Variants in TTC12 observed in about 807,000 individuals in gnomAD.
The protein encoded by TTC12 is tetratricopeptide repeat protein 12.
Under a neutral mutation model 90.1 loss-of-function variants are expected in TTC12, and 70 were observed. The ratio of observed to expected loss-of-function variants is 0.78; its 90% CI spans 0.64 to 0.95. The LOEUF (loss-of-function observed/expected upper bound fraction) is 0.95. Among genes scored for constraint, TTC12 ranks in the 40% least tolerant of loss-of-function variants. TTC12 has a pLI of 0.00. For missense variants in TTC12, 819 were observed against 846.1 expected (o/e 0.97, Z 0.40); for synonymous variants, 296 against 311.5 (o/e 0.95, Z 0.53).
downstream of TTC12, among the ~76,000 whole-genome samples, chr11:113,366,756 A>G (rs1950231858): frequency 6.6e-6 from 1 of 152,176 alleles, no homozygotes; most frequent in African/African-American, 2.4e-5. Flanking sequence ...CATTGGCATC[A>G]TTGGTGGCCT....
At position 113,353,434 on chromosome 11, in the gene TTC12, G is replaced by A. The variant is rs567686675; in HGVS notation, c.1446+1227G>A. Among the ~76,000 whole-genome samples the A allele has an allele frequency of 1.2e-3, 188 of 152,272 alleles. 1 individual carries two copies. Among genetic ancestry groups the A allele is most frequent in the African/African-American group, 4.4e-3 (183 of 41,556 alleles). On this transcript the variant is annotated intron_variant, in intron 16 of 21. Transcript: ENST00000529221. Reference sequence around the variant, plus strand: ...CTATAGGTTGTCTGTTCACTCTGTTGATAATTTCCTTTGCTGTGCAGAAGC... The same window carrying A: ...CTATAGGTTGTCTGTTCACTCTGTTAATAATTTCCTTTGCTGTGCAGAAGC...
In TTC12 at chr11:113,339,322, A is replaced by T; in HGVS notation, c.674A>T (p.Asp225Val). Residue 225 changes from aspartate to valine, a missense_variant, in exon 10 of 22, where the codon GAC becomes GTC. Asp to Val is a radical substitution (Grantham distance 152, BLOSUM62 -3). Coordinates refer to ENST00000529221, the MANE Select transcript of TTC12 (RefSeq NM_017868.4). ...LNQVDLQEKA[D>V]LQEKEAHELL... ...CAAGTAGATCTTCAGGAAAAAGCAG[A>T]CCTTCAAGAAAAGGAAGCCCACGAA... is the stretch of plus-strand genomic sequence containing the variant. 1 of 1,609,814 alleles carries T rather than the reference A, an allele frequency of 6.2e-7. No individual in the cohort carries two copies. The highest frequency in any genetic ancestry group is 8.5e-7 in the Non-Finnish European group (1 of 1,178,938).
At chr11:113,365,493 G>A (rs909689885) in intron 21 of TTC12, 1 of 210,548 alleles carries the variant, frequency 4.7e-6, no homozygotes, top group Non-Finnish European at 9.9e-6. Flanking sequence ...AACAAATGGA[G>A]GAACGGCCAG....
intron 2 of TTC12, among the ~76,000 whole-genome samples, chr11:113,318,163 T>G (rs887256458): frequency 3.2e-4 from 48 of 152,252 alleles, no homozygotes; most frequent in African/African-American, 1.1e-3. Flanking sequence ...AGAATTATTC[T>G]TTTCATGGTA....
At chr11:113,330,247 C>G (rs533842033) in intron 7 of TTC12, among the ~76,000 whole-genome samples, 1 of 152,332 alleles carries the variant, frequency 6.6e-6, no homozygotes, top group South Asian at 2.1e-4. Context: ...ATTGTGTTAT[C>G]AGACACTTGG....
At chr11:113,329,756 T>C in intron 6 of TTC12, 164 bp from the exon 7 acceptor site, 1 of 691,800 alleles carries the variant, frequency 1.4e-6, no homozygotes, top group Non-Finnish European at 2.7e-6. Context: ...CTCTCCTCAG[T>C]TGCCCAGTGC....
intron 21 of TTC12, 24 bp from the exon 22 acceptor site, chr11:113,366,201 G>T: frequency 6.2e-7 from 1 of 1,611,140 alleles, no homozygotes. Flanking sequence ...TTATGCCCTG[G>T]GTTGTTTGTT....
chr11:113,350,135 G>A lies in TTC12; in HGVS notation c.1217G>A (p.Gly406Glu). 1 of 1,613,786 alleles carries A rather than the reference G, an allele frequency of 6.2e-7. No individual in the cohort carries two copies. Among genetic ancestry groups the A allele is most frequent in the South Asian group, 1.1e-5 (1 of 91,052 alleles). ...FSDKEANTAMGLFTDLALEER... is the reference protein window; with the variant it reads ...FSDKEANTAMELFTDLALEER... ...GATAAGGAGGCCAACACTGCTATGG[G>A]ACTGTTCACAGACTTGGCTCTGGAA... is the stretch of plus-strand genomic sequence containing the variant. Residue 406 changes from glycine to glutamate, a missense_variant, in exon 14 of 22, where the codon GGA becomes GAA. Physicochemically the swap from Gly to Glu is moderately conservative, Grantham distance 98 (BLOSUM62 -2). Transcript: ENST00000529221.
chr11:113,348,372 C>G (rs1393771058), intron 13 of TTC12, among the ~76,000 whole-genome samples: 2 of 152,180 alleles, frequency 1.3e-5, no homozygotes, highest in African/African-American at 2.4e-5. Context: ...TCATTTTCTT[C>G]TAGTTCTCCT....
chr11:113,352,526 G>C (rs1019679348), intron 16 of TTC12, among the ~76,000 whole-genome samples: 1 of 151,784 alleles, frequency 6.6e-6, no homozygotes, highest in Admixed American at 6.6e-5. Context: ...TTGTGTCATG[G>C]GGGTTTGTTG....
At chr11:113,323,501 T>C in intron 3 of TTC12, 50 bp downstream of exon 3, 1 of 1,310,520 alleles carries the variant, frequency 7.6e-7, no homozygotes, top group Non-Finnish European at 1.0e-6. Context: ...TGAGAAGACC[T>C]ACACCTAGGC....
At chr11:113,319,121 G>C (rs1267429513) in intron 2 of TTC12, among the ~76,000 whole-genome samples, 2 of 152,160 alleles carry the variant, frequency 1.3e-5, no homozygotes, top group Non-Finnish European at 2.9e-5. Flanking sequence ...TTAACCTCCT[G>C]ATAAATCACA....
downstream of TTC12, among the ~76,000 whole-genome samples, chr11:113,371,282 T>C (rs192537772): frequency 1.3e-5 from 2 of 152,348 alleles, no homozygotes; most frequent in Admixed American, 6.5e-5. Flanking sequence ...CATTCTCATA[T>C]ACTTTAAATC....
intron 16 of TTC12, among the ~76,000 whole-genome samples, chr11:113,353,092 G>A (rs1207845271): frequency 2.0e-5 from 3 of 152,202 alleles, no homozygotes; most frequent in African/African-American, 7.2e-5. Flanking sequence ...GACCAACAGT[G>A]TATAAGTGTA....
At chr11:113,329,751 C>T (rs1390348896) in intron 6 of TTC12, 169 bp from the exon 7 acceptor site, 2 of 684,104 alleles carry the variant, frequency 2.9e-6, no homozygotes, top group African/African-American at 3.5e-5. Flanking sequence ...TTCAACTCTC[C>T]TCAGTTGCCC....
chr11:113,315,515 T>G (rs1369010244), intron 1 of TTC12, among the ~76,000 whole-genome samples: 1 of 152,208 alleles, frequency 6.6e-6, no homozygotes, highest in African/African-American at 2.4e-5. Flanking sequence ...CTGGGCAATG[T>G]CCCGGGTTTA....
At chr11:113,368,118 A>G (rs1388846052), downstream of TTC12, 6 of 1,234,022 alleles carry the variant, frequency 4.9e-6, no homozygotes, top group East Asian at 5.2e-5. Flanking sequence ...GAAAATGGCT[A>G]TGATAGGTGT....
chr11:113,327,913 G>T (rs115431242), intron 6 of TTC12, among the ~76,000 whole-genome samples: 1 of 152,194 alleles, frequency 6.6e-6, no homozygotes, highest in Non-Finnish European at 1.5e-5. Context: ...CAGCTTCCTT[G>T]CTATGGGAGC....
At chr11:113,344,814 A>G (rs1222854086) in intron 13 of TTC12, among the ~76,000 whole-genome samples, 5 of 152,148 alleles carry the variant, frequency 3.3e-5, no homozygotes, top group Non-Finnish European at 7.4e-5. Context: ...ATTTGAGGTA[A>G]TCCTGTCTTA....
Sources: gnomAD v4.1 joint callset for allele counts (sites outside exome capture counted in the v4.1 genomes callset) on GRCh38, gnomAD v4.1.1 for gene constraint, MANE v1.5 for transcripts, NCBI Gene and HGNC (gene_info 2026-07-23, HGNC 2026-07-21) for gene names.